Variants in TXNRD1 observed in about 807,000 individuals in gnomAD.
The protein encoded by TXNRD1 is thioredoxin reductase 1.
TXNRD1 carries 57 observed loss-of-function variants against 80.3 expected under a neutral mutation model. The ratio of observed to expected loss-of-function variants is 0.71; its 90% CI spans 0.57 to 0.89. The LOEUF (loss-of-function observed/expected upper bound fraction) is 0.89, where lower values mean the gene tolerates loss of function less well. Ranked by LOEUF, TXNRD1 falls within the 40% of genes least tolerant of loss-of-function variation. TXNRD1 has a pLI of 0.00. For synonymous variants in TXNRD1, 291 were observed against 285.2 expected (o/e 1.02, Z -0.20); for missense variants, 730 against 803.0 (o/e 0.91, Z 1.10).
intron 1 of TXNRD1, among the ~76,000 whole-genome samples, chr12:104,244,022 T>C (rs1161890964): frequency 6.6e-6 from 1 of 152,186 alleles, no homozygotes; most frequent in Non-Finnish European, 1.5e-5. Flanking sequence ...TTTTCCAGTT[T>C]CCCCCAGTTA....
chr12:104,290,893 G>A (rs544276233), intron 4 of TXNRD1: 1 of 549,106 alleles, frequency 1.8e-6, no homozygotes, highest in Non-Finnish European at 3.2e-6. Context: ...GGAGTAAAAA[G>A]AGTCACTCTT....
intron 1 of TXNRD1, among the ~76,000 whole-genome samples, chr12:104,220,494 C>T (rs968608180): frequency 2.8e-4 from 42 of 151,502 alleles, no homozygotes; most frequent in Admixed American, 1.1e-3. Flanking sequence ...GAGGCCAAGG[C>T]GGGTGGATCA....
At chr12:104,288,180 A>T (rs1200494116) in intron 3 of TXNRD1, among the ~76,000 whole-genome samples, 1 of 152,100 alleles carries the variant, frequency 6.6e-6, no homozygotes, top group East Asian at 1.9e-4. Context: ...TAGTAGAGAC[A>T]GGGTTTCACC....
chr12:104,232,245 C>G (rs933987379), intron 1 of TXNRD1, among the ~76,000 whole-genome samples: 15 of 152,138 alleles, frequency 9.9e-5, no homozygotes, highest in African/African-American at 2.4e-5. Context: ...CCAAGATAAA[C>G]TTGGAGCTCC....
At chr12:104,285,565 T>C (rs1427773250) in intron 3 of TXNRD1, among the ~76,000 whole-genome samples, 10 of 152,208 alleles carry the variant, frequency 6.6e-5, no homozygotes, top group Non-Finnish European at 5.9e-5. Context: ...CCTCTTCAAA[T>C]CAATCCTTAT....
At chr12:104,292,216 G>A (rs1259202758) in intron 4 of TXNRD1, among the ~76,000 whole-genome samples, 1 of 152,152 alleles carries the variant, frequency 6.6e-6, no homozygotes, top group East Asian at 1.9e-4. Context: ...GGTGAGCCTA[G>A]GTGACTCCCT....
At chr12:104,293,914 G>A (rs1029123832) in intron 4 of TXNRD1, among the ~76,000 whole-genome samples, 1 of 152,198 alleles carries the variant, frequency 6.6e-6, no homozygotes, top group Non-Finnish European at 1.5e-5. Flanking sequence ...CGTGGGTCAT[G>A]TGTCCACTGG....
Position 104,327,579 on chromosome 12 carries a change from G to C in TXNRD1, c.1450G>C (p.Asp484His). The C allele has an allele frequency of 6.2e-7, 1 of 1,613,548 alleles. No homozygotes were observed. Among genetic ancestry groups the C allele is most frequent in the South Asian group, 1.1e-5 (1 of 91,022 alleles). The change falls in exon 13 of 17, where the codon GAT becomes CAT. Residue 484 changes from aspartate to histidine, a missense_variant. Physicochemically the swap from Asp to His is moderately conservative, Grantham distance 81. Transcript: ENST00000525566. ...TGTGCCTTACATCTATGCCATTGGCGATATATTGGAGGATAAGGTGGAGCT... is the reference window on the plus strand; with the variant it reads ...TGTGCCTTACATCTATGCCATTGGCCATATATTGGAGGATAAGGTGGAGCT... ...TNVPYIYAIG[D>H]ILEDKVELTP...
chr12:104,308,321 A>T (rs906071970), intron 4 of TXNRD1, among the ~76,000 whole-genome samples: 4 of 152,066 alleles, frequency 2.6e-5, no homozygotes, highest in African/African-American at 9.7e-5. Context: ...ATTCTCTTGC[A>T]TGTAAACTGT....
chr12:104,320,954 A>G (rs1032393354), intron 9 of TXNRD1, 137 bp from the exon 10 acceptor site: 1 of 668,618 alleles, frequency 1.5e-6, no homozygotes, highest in Non-Finnish European at 2.6e-6. Context: ...CTCATGTATT[A>G]TGTGTGTAGC....
At chr12:104,262,649 G>C (rs1262335939) in intron 3 of TXNRD1, 1 of 152,192 alleles carries the variant, frequency 6.6e-6, no homozygotes, top group African/African-American at 2.4e-5. Flanking sequence ...GAATCACATG[G>C]GTGCATTTAT....
chr12:104,262,232 T>TTA (rs575259206), intron 3 of TXNRD1: 1 of 93,740 alleles, frequency 1.1e-5, no homozygotes, highest in African/African-American at 4.6e-5. Flanking sequence ...GACTCTGTAT[T>TTA]AAAAAAAAAA....
At chr12:104,286,364 A>G (rs2033971320) in intron 3 of TXNRD1, among the ~76,000 whole-genome samples, 1 of 152,214 alleles carries the variant, frequency 6.6e-6, no homozygotes, top group Non-Finnish European at 1.5e-5. Flanking sequence ...CTTAAAAAAA[A>G]CAATAAATAC....
At chr12:104,307,630 A>G (rs1485762901) in intron 4 of TXNRD1, among the ~76,000 whole-genome samples, 4 of 152,260 alleles carry the variant, frequency 2.6e-5, no homozygotes, top group African/African-American at 7.2e-5. Flanking sequence ...AGAGCCATCT[A>G]TAATGGTAGG....
intron 2 of TXNRD1, among the ~76,000 whole-genome samples, chr12:104,253,879 G>A (rs373511988): frequency 6.6e-6 from 1 of 152,094 alleles, no homozygotes; most frequent in Non-Finnish European, 1.5e-5. Context: ...TTTTAGTAGA[G>A]ATGGGGTTTC....
At position 104,251,507 on chromosome 12, in the gene TXNRD1, C is replaced by T. The variant is rs771976742; in HGVS notation, c.92-20C>T. On this transcript the variant is annotated intron_variant, in intron 1 of 16. Coordinates refer to ENST00000525566, the MANE Select transcript of TXNRD1 (RefSeq NM_001093771.3). ...GTTTTCCTTTGTGATAATTACCATCCTTACTTCCATTACTTCTAGCTAAAG... is the reference window on the plus strand; with the variant it reads ...GTTTTCCTTTGTGATAATTACCATCTTTACTTCCATTACTTCTAGCTAAAG... 1.2e-6 allele frequency: 2 copies of T among 1,610,334 alleles called. No homozygotes were observed. Among genetic ancestry groups the T allele is most frequent in the Non-Finnish European group, 1.7e-6 (2 of 1,178,126 alleles).
intron 1 of TXNRD1, among the ~76,000 whole-genome samples, chr12:104,239,574 T>A (rs2032816117): frequency 6.7e-6 from 1 of 149,568 alleles, no homozygotes; most frequent in South Asian, 2.1e-4. Flanking sequence ...TTTTTTTCCC[T>A]AGACTCAAGT....
chr12:104,324,495 G>A (rs2035685671), intron 10 of TXNRD1, among the ~76,000 whole-genome samples: 2 of 152,012 alleles, frequency 1.3e-5, no homozygotes, highest in Admixed American at 1.3e-4. Flanking sequence ...GGGACTACAG[G>A]CGCCCGCCAC....
Position 104,258,038 on chromosome 12 carries a change from C to T in TXNRD1, c.263C>T (p.Ser88Phe). The change falls in exon 3 of 17, where the codon TCT (serine) becomes TTT (phenylalanine). Residue 88 changes from serine (S) to phenylalanine (F), a missense_variant. Coordinates refer to ENST00000525566, the MANE Select transcript of TXNRD1 (RefSeq NM_001093771.3). ...RCTEVKKLFK[S>F]LCVPYFVLEL... ...TTCCAGGTAAAGAAGTTATTTAAAT[C>T]TCTGTGTGTTCCTTATTTTGTGCTT... The T allele has an allele frequency of 6.4e-7, 1 of 1,551,142 alleles. No individual in the cohort carries two copies. Among genetic ancestry groups the T allele is most frequent in the Non-Finnish European group, 8.7e-7 (1 of 1,146,980 alleles).
Sources: gnomAD v4.1 joint callset for allele counts (sites outside exome capture counted in the v4.1 genomes callset) on GRCh38, gnomAD v4.1.1 for gene constraint, MANE v1.5 for transcripts, NCBI Gene and HGNC (gene_info 2026-07-23, HGNC 2026-07-21) for gene names.